The following PRKD1 variants were observed in gnomAD, a reference collection of about 807,000 sequenced individuals.
The protein encoded by PRKD1 is serine/threonine-protein kinase D1.
In PRKD1, 63 loss-of-function variants were observed where a neutral mutation model predicts 95.9. The ratio of observed to expected loss-of-function variants is 0.66; its 90% CI spans 0.54 to 0.81. The LOEUF (loss-of-function observed/expected upper bound fraction) is 0.81. PRKD1 is among the 30% of genes least tolerant of loss of function. The probability of loss-of-function intolerance (pLI) is 0.00; values close to 1 mark genes in which losing one functional copy is unlikely to be tolerated. For missense variants in PRKD1, 1,048 were observed against 1,165.3 expected (o/e 0.90, Z 1.47); for synonymous variants, 425 against 423.1 (o/e 1.00, Z -0.05).
chr14:29,659,949 G>A (rs755997580), intron 4 of PRKD1, among the ~76,000 whole-genome samples: 1 of 152,090 alleles, frequency 6.6e-6, no homozygotes, highest in South Asian at 2.1e-4. Flanking sequence ...TTTTAATGAT[G>A]CCCAATTTAT....
intron 4 of PRKD1, among the ~76,000 whole-genome samples, chr14:29,661,009 G>A (rs1882156594): frequency 6.6e-6 from 1 of 151,994 alleles, no homozygotes; most frequent in South Asian, 2.1e-4. Flanking sequence ...ATAGCATAAT[G>A]GATAGTTTAC....
chr14:29,866,048 G>C (rs769956517), intron 1 of PRKD1, among the ~76,000 whole-genome samples: 1 of 151,970 alleles, frequency 6.6e-6, no homozygotes, highest in African/African-American at 2.4e-5. Context: ...AAATCAAAAT[G>C]AACAAAAAGT....
At chr14:29,893,707 G>A (rs1894020155) in intron 1 of PRKD1, among the ~76,000 whole-genome samples, 1 of 152,138 alleles carries the variant, frequency 6.6e-6, no homozygotes. Context: ...CCTTATGAAT[G>A]TCGGTTTCTA....
intron 13 of PRKD1, among the ~76,000 whole-genome samples, chr14:29,623,443 AT>A (rs1879410279): frequency 6.6e-6 from 1 of 152,226 alleles, no homozygotes; most frequent in Non-Finnish European, 1.5e-5. Flanking sequence ...ACATGCTTGC[AT>A]GAGAAGTAAA....
intron 1 of PRKD1, among the ~76,000 whole-genome samples, chr14:29,854,115 AAT>A (rs1398170199): frequency 6.6e-6 from 1 of 152,184 alleles, no homozygotes; most frequent in Non-Finnish European, 1.5e-5. Context: ...TGAACAGACT[AAT>A]AAAGTAAATT....
At chr14:29,780,182 A>T (rs964509449) in intron 1 of PRKD1, among the ~76,000 whole-genome samples, 1 of 152,172 alleles carries the variant, frequency 6.6e-6, no homozygotes, top group Non-Finnish European at 1.5e-5. Context: ...AACCATAAAA[A>T]CCCTAGAAGA....
intron 2 of PRKD1, among the ~76,000 whole-genome samples, chr14:29,710,110 TAAAGACCTAA>T (rs957462871): frequency 1.6e-4 from 25 of 152,234 alleles, no homozygotes; most frequent in Admixed American, 2.0e-4. Context: ...TAAAAAATAA[TAAAGACCTAA>T]AATTGGGTTT....
intron 1 of PRKD1, among the ~76,000 whole-genome samples, chr14:29,903,572 T>G (rs1011775690): frequency 1.3e-5 from 2 of 152,180 alleles, no homozygotes; most frequent in Non-Finnish European, 2.9e-5. Flanking sequence ...AAACACATGA[T>G]ATCCCCTGAC....
At chr14:29,737,393 G>A (rs2877986) in intron 1 of PRKD1, among the ~76,000 whole-genome samples, 21,583 of 144,790 alleles carry the variant, frequency 0.15, 1,898 homozygotes, top group South Asian at 0.23. Context: ...GCTAAAAGGT[G>A]AGGATTCAAT....
intron 1 of PRKD1, among the ~76,000 whole-genome samples, chr14:29,921,230 C>T (rs558340636): frequency 5.7e-4 from 87 of 152,138 alleles, no homozygotes; most frequent in African/African-American, 2.0e-3. Flanking sequence ...TTAGATTAGT[C>T]CTTAAAGAAT....
In PRKD1 at chr14:29,889,309, T is replaced by C. The variant is rs144233881; in HGVS notation, c.264+37940A>G. Among the ~76,000 whole-genome samples, 470 of 152,186 alleles carry C rather than the reference T, an allele frequency of 3.1e-3. 4 individuals are homozygous for C. Among genetic ancestry groups the C allele is most frequent in the Non-Finnish European group, 5.0e-3 (340 of 68,016 alleles). On this transcript the variant is annotated intron_variant, in intron 1 of 17. Coordinates refer to ENST00000331968, the MANE Select transcript of PRKD1 (RefSeq NM_002742.3). Reference sequence around the variant, plus strand: ...CTCTGGTCTACAGTTCCCAGCGAGATTGACGCAGAAGATGGGTGATTTCTG... The same window carrying C: ...CTCTGGTCTACAGTTCCCAGCGAGACTGACGCAGAAGATGGGTGATTTCTG...
chr14:29,830,508 T>C (rs1306562458), intron 1 of PRKD1, among the ~76,000 whole-genome samples: 2 of 152,180 alleles, frequency 1.3e-5, no homozygotes, highest in Non-Finnish European at 2.9e-5. Context: ...TGCATATATT[T>C]ATCTCTCTGT....
intron 2 of PRKD1, among the ~76,000 whole-genome samples, chr14:29,694,834 G>A (rs890533408): frequency 2.0e-5 from 3 of 152,068 alleles, no homozygotes; most frequent in African/African-American, 7.2e-5. Context: ...CCAGGTAAGG[G>A]GAATAGCATG....
At chr14:29,888,668 T>C (rs1893827098) in intron 1 of PRKD1, among the ~76,000 whole-genome samples, 1 of 152,108 alleles carries the variant, frequency 6.6e-6, no homozygotes, top group Non-Finnish European at 1.5e-5. Flanking sequence ...AAACTGCACA[T>C]GGTGATGAAA....
At chr14:29,625,171 A>G (rs1438813534) in intron 12 of PRKD1, among the ~76,000 whole-genome samples, 4 of 152,060 alleles carry the variant, frequency 2.6e-5, no homozygotes, top group Non-Finnish European at 5.9e-5. Flanking sequence ...TTCACTATCA[A>G]ATCAGCTTGT....
At chr14:29,902,637 T>A (rs1180305098) in intron 1 of PRKD1, among the ~76,000 whole-genome samples, 3 of 152,232 alleles carry the variant, frequency 2.0e-5, no homozygotes, top group African/African-American at 7.2e-5. Flanking sequence ...TAATAAACAT[T>A]CATTTAATCA....
chr14:29,764,015 G>T lies in PRKD1; in HGVS notation c.265-38341C>A, dbSNP rs557673873. 1.8e-3 allele frequency among the ~76,000 whole-genome samples: 280 copies of T among 152,218 alleles called. 1 individual carries two copies. Among genetic ancestry groups the T allele is most frequent in the African/African-American group, 6.4e-3 (267 of 41,522 alleles). On this transcript the variant is annotated intron_variant, in intron 1 of 17. Transcript: ENST00000331968. ...ATTATTTCTTTGTGCATGTACATAC[G>T]TAAGTGTGTGTATATAGAGAGTTTT...
At chr14:29,871,342 C>T (rs1038014037) in intron 1 of PRKD1, among the ~76,000 whole-genome samples, 1 of 152,148 alleles carries the variant, frequency 6.6e-6, no homozygotes, top group African/African-American at 2.4e-5. Context: ...AAAAACTATA[C>T]AATTTGACTT....
chr14:29,689,903 G>T (rs1356124975), intron 2 of PRKD1, among the ~76,000 whole-genome samples: 1 of 152,194 alleles, frequency 6.6e-6, no homozygotes, highest in African/African-American at 2.4e-5. Flanking sequence ...TCACTTATAT[G>T]TGGGAGCTGA....
Sources: gnomAD v4.1 joint callset for allele counts (sites outside exome capture counted in the v4.1 genomes callset) on GRCh38, gnomAD v4.1.1 for gene constraint, MANE v1.5 for transcripts, NCBI Gene and HGNC (gene_info 2026-07-23, HGNC 2026-07-21) for gene names.